Variants in DSCAML1 observed in about 807,000 individuals in gnomAD.
DSCAML1 encodes the protein DS cell adhesion molecule like 1.
Under a neutral mutation model 200.5 loss-of-function variants are expected in DSCAML1, and 38 were observed. That is an observed-to-expected ratio of 0.19 (90% CI 0.15 to 0.25). DSCAML1 has a LOEUF of 0.25. DSCAML1 is among the 10% of genes least tolerant of loss of function. The pLI is 1.00. For missense variants in DSCAML1, 2,223 were observed against 2,858.8 expected, an observed-to-expected ratio of 0.78 and a Z score of 5.07; for synonymous variants, 1,215 against 1,165.0, an observed-to-expected ratio of 1.04 and a Z score of -0.87.
In DSCAML1 at chr11:117,707,449, A is replaced by C. The variant is rs576184325; in HGVS notation, c.511+69342T>G. 5.9e-5 allele frequency among the ~76,000 whole-genome samples: 9 copies of C among 152,112 alleles called. No individual in the cohort carries two copies. In the South Asian group the frequency reaches 1.9e-3, roughly 31 times the overall value. On this transcript the variant is annotated intron_variant, in intron 3 of 32. Transcript: ENST00000651296. Reference sequence around the variant, plus strand: ...TGCTTTGGCAGTCTGAACATCTCCCAGGTCAGCCCATTTAGCCCACCAGGC... The same window carrying C: ...TGCTTTGGCAGTCTGAACATCTCCCCGGTCAGCCCATTTAGCCCACCAGGC...
intron 1 of DSCAML1, among the ~76,000 whole-genome samples, chr11:117,809,067 C>T (rs2055733646): frequency 6.6e-6 from 1 of 152,240 alleles, no homozygotes; most frequent in South Asian, 2.1e-4. Flanking sequence ...TGCTTCATAT[C>T]ATTTCCACTG....
At chr11:117,453,564 A>G (rs2048319870) in intron 19 of DSCAML1, among the ~76,000 whole-genome samples, 1 of 152,178 alleles carries the variant, frequency 6.6e-6, no homozygotes, top group African/African-American at 2.4e-5. Context: ...ATATATATAC[A>G]AATACATCAT....
chr11:117,631,742 A>T (rs1452702026), intron 3 of DSCAML1, among the ~76,000 whole-genome samples: 1 of 142,462 alleles, frequency 7.0e-6, no homozygotes. Flanking sequence ...TCAATCAATC[A>T]TCCACTCATC....
intron 2 of DSCAML1, among the ~76,000 whole-genome samples, chr11:117,777,493 C>T (rs1446386541): frequency 6.6e-6 from 1 of 152,158 alleles, no homozygotes; most frequent in African/African-American, 2.4e-5. Context: ...TGAAAGGCAG[C>T]CTGGGAAATG....
intron 4 of DSCAML1, among the ~76,000 whole-genome samples, chr11:117,526,252 C>T (rs1256604656): frequency 6.6e-6 from 1 of 152,194 alleles, no homozygotes; most frequent in African/African-American, 2.4e-5. Flanking sequence ...TCCTCAATGC[C>T]AAGGCCTTCT....
chr11:117,588,609 C>T (rs995618309), intron 3 of DSCAML1, among the ~76,000 whole-genome samples: 1 of 152,202 alleles, frequency 6.6e-6, no homozygotes, highest in Admixed American at 6.5e-5. Flanking sequence ...CGTAGCCTTG[C>T]CGGGCCACCA....
chr11:117,525,083 T>C lies in DSCAML1; in HGVS notation c.659A>G (p.Asp220Gly). 6.5e-7 allele frequency: 1 copy of C among 1,541,760 alleles called. No homozygotes were observed. Among genetic ancestry groups the C allele is most frequent in the Non-Finnish European group, 8.7e-7 (1 of 1,150,312 alleles). ...GATGGTGGGGATCGACTCAGCAGGGTCTGGAAGGCAGAGAGGGTCGGCAGC... is the reference window on the plus strand; with the variant it reads ...GATGGTGGGGATCGACTCAGCAGGGCCTGGAAGGCAGAGAGGGTCGGCAGC... ...QSNGARLSVT[D>G]PAESIPTILD... The change falls in exon 5 of 33, where the codon GAC becomes GGC. Residue 220 changes from aspartate (D) to glycine (G), a missense_variant and splice_region_variant. By Grantham distance (94) the Asp-to-Gly change is moderately conservative (BLOSUM62 -1). Transcript: ENST00000651296.
intron 11 of DSCAML1, among the ~76,000 whole-genome samples, chr11:117,495,925 C>A (rs1167210941): frequency 6.6e-6 from 1 of 152,186 alleles, no homozygotes; most frequent in African/African-American, 2.4e-5. Context: ...ACTTCAGAAC[C>A]ATACTTCCCA....
chr11:117,754,244 C>A (rs1171365695), intron 3 of DSCAML1, among the ~76,000 whole-genome samples: 1 of 152,176 alleles, frequency 6.6e-6, no homozygotes, highest in Non-Finnish European at 1.5e-5. Context: ...CATGATGTGC[C>A]TTTCTGAGGC....
In DSCAML1 at chr11:117,780,304, GA is replaced by G. The variant is rs2055228388; in HGVS notation, c.364+188del. ...AGAAAGAAAGAAAGAAAGAAAGAAA[GA>G]GAGAAAGGAGAAAGAAAGGTGTCTC... On this transcript the variant is annotated intron_variant, in intron 2 of 32. Coordinates refer to ENST00000651296, the MANE Select transcript of DSCAML1 (RefSeq NM_020693.4). This position sits in a 1 kb window ranked among gnomAD's most constrained non-coding sequence, Gnocchi z 4.8. 7.1e-5 allele frequency among the ~76,000 whole-genome samples: 7 copies of G among 98,440 alleles called. No individual in the cohort carries two copies. The highest frequency in any genetic ancestry group is 3.8e-4 in the South Asian group (1 of 2,650). 64.6% of individuals were successfully genotyped at this position (98,440 alleles called of 152,430 possible).
intron 8 of DSCAML1, among the ~76,000 whole-genome samples, chr11:117,507,115 T>C (rs543293379): frequency 4.7e-5 from 7 of 149,698 alleles, no homozygotes; most frequent in African/African-American, 9.7e-5. Flanking sequence ...ATTATCTTTA[T>C]GATAACTCAA....
At position 117,453,037 on chromosome 11, in the gene DSCAML1, C is replaced by A. The variant is rs562320681; in HGVS notation, c.3569-2349G>T. Among the ~76,000 whole-genome samples the A allele has an allele frequency of 2.6e-5, 4 of 152,246 alleles. No individual in the cohort carries two copies. The East Asian group carries it at 7.7e-4, about 29-fold the overall frequency. On this transcript the variant is annotated intron_variant, in intron 19 of 32. Transcript: ENST00000651296. ...GCAACCTCCACCTCCCGGGTTCCAG[C>A]AATTCTCCTGCCTCAGCCTCCTAAG...
At chr11:117,714,056 G>A (rs913487200) in intron 3 of DSCAML1, among the ~76,000 whole-genome samples, 4 of 152,176 alleles carry the variant, frequency 2.6e-5, no homozygotes, top group Admixed American at 6.5e-5. Flanking sequence ...TCCTGAGTCC[G>A]CGTTTCTGCA....
chr11:117,769,490 TTA>T (rs1265920569), intron 3 of DSCAML1, among the ~76,000 whole-genome samples: 19 of 85,904 alleles, frequency 2.2e-4, no homozygotes, highest in South Asian at 8.2e-4. Context: ...AATATATATT[TTA>T]TATATATAAT....
chr11:117,582,539 A>G (rs2051059682), intron 3 of DSCAML1, among the ~76,000 whole-genome samples: 1 of 152,228 alleles, frequency 6.6e-6, no homozygotes. Flanking sequence ...AATAAATTAA[A>G]TGCTTATGCC....
chr11:117,645,084 G>A (rs1221593926), intron 3 of DSCAML1, among the ~76,000 whole-genome samples: 1 of 152,252 alleles, frequency 6.6e-6, no homozygotes, highest in Non-Finnish European at 1.5e-5. Flanking sequence ...CGGCTTGAGA[G>A]AGCCCCCACA....
intron 3 of DSCAML1, among the ~76,000 whole-genome samples, chr11:117,573,820 T>G (rs1005808382): frequency 2.0e-5 from 3 of 152,226 alleles, no homozygotes; most frequent in Admixed American, 1.3e-4. Flanking sequence ...AAGGAGAACC[T>G]TGCTGCCTCC....
chr11:117,432,710 C>T (rs146800692), intron 29 of DSCAML1, among the ~76,000 whole-genome samples: 3 of 151,790 alleles, frequency 2.0e-5, no homozygotes, highest in Non-Finnish European at 4.4e-5. Context: ...CTCCTGGGCT[C>T]AAGCTATCCT....
In DSCAML1 at chr11:117,813,825, C is replaced by G. The variant is rs540735827; in HGVS notation, c.-250+3565G>C. 3.6e-3 allele frequency among the ~76,000 whole-genome samples: 544 copies of G among 152,312 alleles called. 1 individual carries two copies. Among genetic ancestry groups the G allele is most frequent in the African/African-American group, 0.012 (504 of 41,562 alleles). On this transcript the variant is annotated intron_variant, in intron 1 of 2. Transcript: ENST00000525836. ...CCATTCTGTCTCCATACCACTCCCC[C>G]AAAATTTTCACCGCCCCAACACTTC... is the stretch of plus-strand genomic sequence containing the variant.
Sources: gnomAD v4.1 joint callset for allele counts (sites outside exome capture counted in the v4.1 genomes callset) on GRCh38, gnomAD v4.1.1 for gene constraint, Gnocchi (gnomAD v3.1) non-coding constraint, MANE v1.5 for transcripts, NCBI Gene and HGNC (gene_info 2026-07-23, HGNC 2026-07-21) for gene names.